Variants in IMMP2L observed in about 807,000 individuals in gnomAD.
IMMP2L encodes the protein inner mitochondrial membrane peptidase subunit 2.
A neutral mutation model predicts 19.3 loss-of-function variants in IMMP2L; 18 were observed. That is an observed-to-expected ratio of 0.93 (90% CI 0.64 to 1.38). The LOEUF (loss-of-function observed/expected upper bound fraction) is 1.38. Ranked by LOEUF, IMMP2L falls within the 40% of genes most tolerant of loss-of-function variation. The pLI is 0.00. For missense variants in IMMP2L, 233 were observed against 218.2 expected (o/e 1.07, Z -0.43); for synonymous variants, 76 against 73.0 (o/e 1.04, Z -0.21).
chr7:110,880,748 C>T (rs187898031), intron 5 of IMMP2L, among the ~76,000 whole-genome samples: 1 of 152,138 alleles, frequency 6.6e-6, no homozygotes, highest in Admixed American at 6.6e-5. Flanking sequence ...ATATGTTTCA[C>T]TAAATCTTGG....
At chr7:110,992,194 C>T (rs118122022) in intron 3 of IMMP2L, among the ~76,000 whole-genome samples, 5,281 of 152,026 alleles carry the variant, frequency 0.035, 126 homozygotes, top group South Asian at 0.077. Flanking sequence ...TGCCCCCCAG[C>T]GTAATGCATT....
At chr7:110,886,756 T>A (rs1810265394) in intron 4 of IMMP2L, 61 bp from the exon 5 acceptor site, 4 of 782,602 alleles carry the variant, frequency 5.1e-6, no homozygotes, top group Non-Finnish European at 9.0e-6. Flanking sequence ...CTGCTGGGCA[T>A]ACAAACTTAG....
At chr7:110,856,439 A>G (rs896743542) in intron 5 of IMMP2L, among the ~76,000 whole-genome samples, 1 of 152,114 alleles carries the variant, frequency 6.6e-6, no homozygotes, top group Non-Finnish European at 1.5e-5. Context: ...CTCCTCGAAC[A>G]TGCTACCTAG....
At chr7:111,115,274 T>C (rs1298481469) in intron 3 of IMMP2L, among the ~76,000 whole-genome samples, 2 of 151,940 alleles carry the variant, frequency 1.3e-5, no homozygotes, top group African/African-American at 4.8e-5. Context: ...TAGGAAAAAA[T>C]ATAAGCATCA....
chr7:111,047,608 C>T (rs560902367), intron 3 of IMMP2L, among the ~76,000 whole-genome samples: 1 of 152,268 alleles, frequency 6.6e-6, no homozygotes, highest in African/African-American at 2.4e-5. Context: ...CCTTTTCTCA[C>T]CGTATGTACT....
intron 3 of IMMP2L, among the ~76,000 whole-genome samples, chr7:111,323,163 C>G (rs990672267): frequency 4.6e-5 from 7 of 151,664 alleles, no homozygotes; most frequent in Non-Finnish European, 2.9e-5. Context: ...AGAAAAACAG[C>G]AAAATTAATA....
intron 5 of IMMP2L, among the ~76,000 whole-genome samples, chr7:110,871,996 C>G (rs1200391924): frequency 6.6e-6 from 1 of 152,110 alleles, no homozygotes; most frequent in Non-Finnish European, 1.5e-5. Context: ...CTATATACTG[C>G]TGCTAGGATC....
At chr7:110,997,514 C>A (rs963148921) in intron 3 of IMMP2L, among the ~76,000 whole-genome samples, 2 of 152,060 alleles carry the variant, frequency 1.3e-5, no homozygotes, top group African/African-American at 2.4e-5. Flanking sequence ...GCTAAATCCT[C>A]GCAAGCATTT....
At chr7:111,471,924 C>CT (rs1247170129) in intron 3 of IMMP2L, among the ~76,000 whole-genome samples, 1 of 151,982 alleles carries the variant, frequency 6.6e-6, no homozygotes, top group Non-Finnish European at 1.5e-5. Context: ...CTCAGGTCAC[C>CT]TAGCTACTGG....
chr7:110,741,098 A>G (rs1264892781), intron 5 of IMMP2L, among the ~76,000 whole-genome samples: 1 of 152,214 alleles, frequency 6.6e-6, no homozygotes, highest in African/African-American at 2.4e-5. Context: ...ATGACCATCA[A>G]TCAACGAGTG....
chr7:111,438,895 C>T (rs914251608), intron 3 of IMMP2L, among the ~76,000 whole-genome samples: 1 of 151,818 alleles, frequency 6.6e-6, no homozygotes, highest in Non-Finnish European at 1.5e-5. Flanking sequence ...CAAATATGAA[C>T]TAAAATTCAA....
chr7:111,184,560 A>G (rs1029466555), intron 3 of IMMP2L, among the ~76,000 whole-genome samples: 2 of 152,112 alleles, frequency 1.3e-5, no homozygotes, highest in African/African-American at 4.8e-5. Flanking sequence ...CTTAGAGATC[A>G]TTAGAAGCAG....
At chr7:111,091,699 G>A (rs1796881940) in intron 3 of IMMP2L, among the ~76,000 whole-genome samples, 2 of 152,204 alleles carry the variant, frequency 1.3e-5, no homozygotes, top group South Asian at 4.1e-4. Flanking sequence ...AGCTGTGTTT[G>A]TGAGATTCTC....
At position 110,727,069 on chromosome 7, in the gene IMMP2L, T is replaced by C. The variant is rs539938903; in HGVS notation, c.409-63348A>G. 1.3e-5 allele frequency among the ~76,000 whole-genome samples: 2 copies of C among 152,318 alleles called. No homozygotes were observed. The highest frequency in any genetic ancestry group is 2.9e-5 in the Non-Finnish European group (2 of 68,028). On this transcript the variant is annotated intron_variant, in intron 5 of 5. Coordinates refer to ENST00000405709, the MANE Select transcript of IMMP2L (RefSeq NM_032549.4). This position sits in a 1 kb window ranked among gnomAD's most constrained non-coding sequence, Gnocchi z 4.3. ...GCAGACGGCAGAGTCAATAAAAGCA[T>C]TCAGAAGTCAGTGAGCTTTAAAATC...
At chr7:110,986,709 C>G (rs1160339255) in intron 3 of IMMP2L, among the ~76,000 whole-genome samples, 2 of 151,950 alleles carry the variant, frequency 1.3e-5, no homozygotes, top group Non-Finnish European at 2.9e-5. Context: ...TTGGTCAAAT[C>G]TCATAGCTTC....
At chr7:111,552,044 G>A (rs979272175) in intron 1 of IMMP2L, among the ~76,000 whole-genome samples, 6 of 152,162 alleles carry the variant, frequency 3.9e-5, no homozygotes, top group Admixed American at 6.5e-5. Context: ...GCCACTGCTC[G>A]TTTATAATTT....
chr7:110,868,418 T>C (rs1808212665), intron 5 of IMMP2L, among the ~76,000 whole-genome samples: 1 of 152,002 alleles, frequency 6.6e-6, no homozygotes, highest in African/African-American at 2.4e-5. Flanking sequence ...TCACCCCAAG[T>C]GTAAAGTGGC....
intron 3 of IMMP2L, among the ~76,000 whole-genome samples, chr7:111,465,090 C>A (rs549601283): frequency 6.6e-6 from 1 of 152,100 alleles, no homozygotes; most frequent in Admixed American, 6.6e-5. Context: ...CCACCGCGTC[C>A]GGCCAACACA....
At chr7:111,423,493 T>G (rs1383725472) in intron 3 of IMMP2L, among the ~76,000 whole-genome samples, 1 of 151,924 alleles carries the variant, frequency 6.6e-6, no homozygotes, top group East Asian at 1.9e-4. Flanking sequence ...ATTTTCTAGT[T>G]TATTTGCGTA....
Sources: gnomAD v4.1 joint callset for allele counts (sites outside exome capture counted in the v4.1 genomes callset) on GRCh38, gnomAD v4.1.1 for gene constraint, Gnocchi (gnomAD v3.1) non-coding constraint, MANE v1.5 for transcripts, NCBI Gene and HGNC (gene_info 2026-07-23, HGNC 2026-07-21) for gene names.